The following CRPPA variants were observed in gnomAD, a reference collection of about 807,000 sequenced individuals.
CRPPA encodes D-ribitol-5-phosphate cytidylyltransferase.
In CRPPA, 43 loss-of-function variants were observed where a neutral mutation model predicts 52.0. That is an observed-to-expected ratio of 0.83 (90% CI 0.65 to 1.07). CRPPA has a LOEUF of 1.07. CRPPA is among the 50% of genes least tolerant of loss of function. CRPPA has a pLI of 0.00. For synonymous variants in CRPPA, 250 were observed against 203.5 expected, an observed-to-expected ratio of 1.23 and a Z score of -1.94; for missense variants, 629 against 551.7, an observed-to-expected ratio of 1.14 and a Z score of -1.40.
chr7:16,201,640 G>C (rs899105436), intron 9 of CRPPA, among the ~76,000 whole-genome samples: 8 of 152,052 alleles, frequency 5.3e-5, no homozygotes, highest in African/African-American at 1.9e-4. Flanking sequence ...AAAGAACCTG[G>C]AACTTGCCGA....
At chr7:16,213,232 T>C (rs1260332061) in intron 9 of CRPPA, among the ~76,000 whole-genome samples, 2 of 152,294 alleles carry the variant, frequency 1.3e-5, no homozygotes, top group African/African-American at 4.8e-5. Context: ...TCCTCAAATA[T>C]AATTTTGTAT....
chr7:16,260,861 A>G (rs777094560), intron 6 of CRPPA, among the ~76,000 whole-genome samples: 2 of 152,094 alleles, frequency 1.3e-5, no homozygotes, highest in Admixed American at 6.6e-5. Context: ...GGACAGAAAC[A>G]TTCATGTTTT....
At chr7:16,178,694 A>G (rs1442910792) in intron 9 of CRPPA, among the ~76,000 whole-genome samples, 1 of 152,110 alleles carries the variant, frequency 6.6e-6, no homozygotes, top group Admixed American at 6.6e-5. Context: ...CTACCTCAGG[A>G]TCTTAAGAGT....
At chr7:16,222,830 T>C (rs1035644073) in intron 8 of CRPPA, among the ~76,000 whole-genome samples, 2 of 152,194 alleles carry the variant, frequency 1.3e-5, no homozygotes, top group African/African-American at 4.8e-5. Context: ...ACATAATACT[T>C]CTACATATTT....
chr7:16,418,102 C>A (rs1484824053), intron 1 of CRPPA, among the ~76,000 whole-genome samples: 1 of 152,172 alleles, frequency 6.6e-6, no homozygotes, highest in African/African-American at 2.4e-5. Context: ...AAACTATCAA[C>A]AGTCTGTAGG....
chr7:16,289,152 G>A (rs1784508822), intron 5 of CRPPA, among the ~76,000 whole-genome samples: 1 of 152,008 alleles, frequency 6.6e-6, no homozygotes, highest in Non-Finnish European at 1.5e-5. Flanking sequence ...AAGATCGAAA[G>A]AGGAGGAAAT....
intron 3 of CRPPA, among the ~76,000 whole-genome samples, chr7:16,370,022 T>C (rs1453632803): frequency 6.6e-6 from 1 of 152,014 alleles, no homozygotes; most frequent in Non-Finnish European, 1.5e-5. Flanking sequence ...GTGTGAAATA[T>C]AAAAGTGGAA....
chr7:16,254,222 G>A (rs1206271682), intron 8 of CRPPA, among the ~76,000 whole-genome samples: 1 of 152,128 alleles, frequency 6.6e-6, no homozygotes, highest in Non-Finnish European at 1.5e-5. Context: ...ATTTAACCCA[G>A]AGATCCCATT....
intron 9 of CRPPA, among the ~76,000 whole-genome samples, chr7:16,138,197 A>T (rs1445771748): frequency 6.6e-6 from 1 of 152,192 alleles, no homozygotes; most frequent in Non-Finnish European, 1.5e-5. Flanking sequence ...CAAGATAATC[A>T]TTTCTAAAGA....
At chr7:16,409,873 A>C in intron 1 of CRPPA, among the ~76,000 whole-genome samples, 1 of 152,218 alleles carries the variant, frequency 6.6e-6, no homozygotes, top group South Asian at 2.1e-4. Context: ...CTCCATATAG[A>C]GACAATGTCT....
At chr7:16,117,442 G>A (rs1185683039) in intron 9 of CRPPA, among the ~76,000 whole-genome samples, 1 of 152,194 alleles carries the variant, frequency 6.6e-6, no homozygotes, top group Non-Finnish European at 1.5e-5. Context: ...GGCTGAGTGA[G>A]GCAGGAGTTC....
intron 9 of CRPPA, among the ~76,000 whole-genome samples, chr7:16,192,307 A>G (rs1781631911): frequency 6.6e-6 from 1 of 152,072 alleles, no homozygotes; most frequent in South Asian, 2.1e-4. Flanking sequence ...GAGAACCCTG[A>G]GTGATATGTA....
chr7:16,374,126 C>T (rs922529500), intron 3 of CRPPA, among the ~76,000 whole-genome samples: 2 of 152,082 alleles, frequency 1.3e-5, no homozygotes, highest in Non-Finnish European at 2.9e-5. Context: ...AGGGGAGTGA[C>T]ATTTGAGTCG....
rs118008517 is a variant in CRPPA at position 16,089,343 on chromosome 7, C to T, written c.*2352G>A. The T allele has an allele frequency of 1.0e-3, 373 of 360,828 alleles. 8 individuals are homozygous for T. The highest frequency in any genetic ancestry group is 5.4e-3 in the African/African-American group (229 of 42,558). The allele number at this position is 360,828 out of a possible 1,614,324, so 22.4% of individuals were successfully genotyped here. On this transcript the variant is annotated 3_prime_UTR_variant, in exon 10 of 10. Transcript: ENST00000407010. ...ACGTATATAAATATATGTGTGTATG[C>T]GTACGTATATACATACATACATGCA... is the stretch of plus-strand genomic sequence containing the variant.
chr7:16,302,282 C>T (rs1414036865), intron 4 of CRPPA, among the ~76,000 whole-genome samples: 3 of 108,796 alleles, frequency 2.8e-5, no homozygotes, highest in African/African-American at 3.8e-5. Context: ...GGCTACAGAG[C>T]GAGACTCTGT....
chr7:16,416,258 A>G (rs984443028), intron 1 of CRPPA, among the ~76,000 whole-genome samples: 4 of 152,172 alleles, frequency 2.6e-5, no homozygotes, highest in African/African-American at 9.7e-5. Context: ...AAAATAAGCA[A>G]TTTTTGGGAA....
At chr7:16,264,717 T>A (rs774213956) in intron 6 of CRPPA, among the ~76,000 whole-genome samples, 1 of 152,188 alleles carries the variant, frequency 6.6e-6, no homozygotes, top group Non-Finnish European at 1.5e-5. Context: ...ACAAGTGACT[T>A]GTAGAGAGAT....
At chr7:16,278,999 C>T (rs536230735) in intron 5 of CRPPA, among the ~76,000 whole-genome samples, 1 of 152,288 alleles carries the variant, frequency 6.6e-6, no homozygotes, top group Admixed American at 6.5e-5. Flanking sequence ...TAATCCACAT[C>T]TTTCTGTCTT....
At chr7:16,254,176 G>A (rs1783545962) in intron 8 of CRPPA, among the ~76,000 whole-genome samples, 1 of 152,136 alleles carries the variant, frequency 6.6e-6, no homozygotes. Context: ...GGAAGACAGT[G>A]TGGCAATTCC....
Sources: allele counts gnomAD v4.1 joint callset (sites outside exome capture counted in the v4.1 genomes callset), GRCh38; gene constraint gnomAD v4.1.1; transcripts MANE v1.5; gene names NCBI Gene and HGNC (gene_info 2026-07-23, HGNC 2026-07-21).